ALG9: variants seen among roughly 807,000 people sequenced by gnomAD.
ALG9 encodes the protein alpha-1,2-mannosyltransferase ALG9.
In ALG9, 55 loss-of-function variants were observed where a neutral mutation model predicts 81.8. The ratio of observed to expected loss-of-function variants is 0.67; its 90% CI spans 0.54 to 0.84. The LOEUF (loss-of-function observed/expected upper bound fraction) is 0.84. Among genes scored for constraint, ALG9 ranks in the 40% least tolerant of loss-of-function variants. The probability of loss-of-function intolerance (pLI) is 0.00; values close to 1 mark genes in which losing one functional copy is unlikely to be tolerated. For missense variants in ALG9, 629 were observed against 745.0 expected, an observed-to-expected ratio of 0.84 and a Z score of 1.81; for synonymous variants, 278 against 274.3, an observed-to-expected ratio of 1.01 and a Z score of -0.13.
At chr11:111,871,238 C>T in intron 1 of ALG9, 114 bp downstream of exon 1, 1 of 1,315,342 alleles carries the variant, frequency 7.6e-7, no homozygotes, top group Non-Finnish European at 9.6e-7. Flanking sequence ...GCTCGGGCCT[C>T]CCGCGGTGAG....
intron 14 of ALG9, among the ~76,000 whole-genome samples, chr11:111,804,920 A>T (rs889444487): frequency 1.3e-5 from 2 of 152,230 alleles, no homozygotes; most frequent in Non-Finnish European, 2.9e-5. Flanking sequence ...AAAACTAAAC[A>T]GACTCTTACC....
intron 11 of ALG9, among the ~76,000 whole-genome samples, 168 bp from the exon 12 acceptor site, chr11:111,837,783 T>A (rs1363679778): frequency 6.6e-6 from 1 of 152,224 alleles, no homozygotes; most frequent in Non-Finnish European, 1.5e-5. Flanking sequence ...AATGTCTCTC[T>A]AGCTGGGAAC....
chr11:111,808,679 C>A (rs1163976554), intron 14 of ALG9, among the ~76,000 whole-genome samples: 1 of 152,198 alleles, frequency 6.6e-6, no homozygotes, highest in African/African-American at 2.4e-5. Flanking sequence ...GAGCCCCAGA[C>A]CTGACTCTCA....
chr11:111,805,310 T>C (rs1949751321), intron 14 of ALG9: 1 of 456,176 alleles, frequency 2.2e-6, no homozygotes, highest in Non-Finnish European at 4.4e-6. Context: ...CTTCCAGCCT[T>C]CAAAACTGTG....
chr11:111,806,788 T>C (rs554822596), intron 14 of ALG9, among the ~76,000 whole-genome samples: 1 of 152,316 alleles, frequency 6.6e-6, no homozygotes, highest in East Asian at 1.9e-4. Flanking sequence ...GCCTGGCAAC[T>C]GAACAGTTAA....
At chr11:111,853,357 G>T in intron 8 of ALG9, 23 bp downstream of exon 8, 1 of 1,577,494 alleles carries the variant, frequency 6.3e-7, no homozygotes, top group Non-Finnish European at 8.7e-7. Flanking sequence ...CCTAACACTT[G>T]CCCAAATTTC....
chr11:111,824,206 A>C (rs1306593610), intron 13 of ALG9, among the ~76,000 whole-genome samples: 2 of 152,232 alleles, frequency 1.3e-5, no homozygotes, highest in African/African-American at 4.8e-5. Context: ...TTAAGAATGC[A>C]TCTATGATAC....
At chr11:111,844,072 T>G (rs1956609462) in intron 9 of ALG9, among the ~76,000 whole-genome samples, 1 of 152,200 alleles carries the variant, frequency 6.6e-6, no homozygotes, top group African/African-American at 2.4e-5. Flanking sequence ...GCGCAGGGTC[T>G]TGGCTCACTA....
intron 3 of ALG9, among the ~76,000 whole-genome samples, chr11:111,865,859 ATGTGGCT>A (rs141008459): frequency 0.033 from 4,962 of 152,316 alleles, 255 homozygotes; most frequent in African/African-American, 0.11. Context: ...AAGTTCTGTT[ATGTGGCT>A]TTATTAATTT....
At chr11:111,853,344 T>A in intron 8 of ALG9, 36 bp downstream of exon 8, 2 of 1,464,102 alleles carry the variant, frequency 1.4e-6, no homozygotes, top group Non-Finnish European at 1.9e-6. Context: ...AATTAAGCTA[T>A]CTCCTAACAC....
At chr11:111,803,964 C>T (rs1183334207) in intron 14 of ALG9, among the ~76,000 whole-genome samples, 2 of 151,722 alleles carry the variant, frequency 1.3e-5, no homozygotes, top group East Asian at 3.9e-4. Flanking sequence ...GAAACCCCGT[C>T]TCTACTAAAA....
intron 13 of ALG9, among the ~76,000 whole-genome samples, chr11:111,825,281 T>G (rs1312380936): frequency 6.6e-6 from 1 of 152,222 alleles, no homozygotes; most frequent in African/African-American, 2.4e-5. Flanking sequence ...ATAATCCCTA[T>G]GCCAGGCATT....
chr11:111,821,846 G>C (rs1952449155), intron 13 of ALG9, among the ~76,000 whole-genome samples: 1 of 152,062 alleles, frequency 6.6e-6, no homozygotes, highest in African/African-American at 2.4e-5. Context: ...GTGTTAGCCA[G>C]GATGGTCTCA....
chr11:111,840,446 A>G (rs1555122577), intron 10 of ALG9, among the ~76,000 whole-genome samples: 1 of 152,218 alleles, frequency 6.6e-6, no homozygotes, highest in Admixed American at 6.5e-5. Context: ...ACACAAATTA[A>G]CACTGCAAAC....
chr11:111,849,034 A>G (rs1425112063), intron 8 of ALG9, among the ~76,000 whole-genome samples: 1 of 150,506 alleles, frequency 6.6e-6, no homozygotes, highest in Non-Finnish European at 1.5e-5. Context: ...CAATTTATTC[A>G]ATGTTTCTTT....
At chr11:111,864,265 C>A in intron 4 of ALG9, 1 of 1,128,064 alleles carries the variant, frequency 8.9e-7, no homozygotes. Context: ...TGTCTGGCTC[C>A]TCCAGCGTTG....
At chr11:111,808,865 C>T (rs1300022947) in intron 14 of ALG9, among the ~76,000 whole-genome samples, 2 of 152,202 alleles carry the variant, frequency 1.3e-5, no homozygotes, top group Admixed American at 1.3e-4. Flanking sequence ...AATGCCTGAT[C>T]CCCTCTTATC....
downstream of ALG9, among the ~76,000 whole-genome samples, chr11:111,777,650 TATA>T (rs1223152722): frequency 1.3e-5 from 2 of 150,868 alleles, no homozygotes; most frequent in Admixed American, 1.3e-4. Flanking sequence ...AGAACACAAA[TATA>T]AAAAAAAAAT....
downstream of ALG9, among the ~76,000 whole-genome samples, chr11:111,779,109 C>T (rs994904929): frequency 4.6e-5 from 7 of 152,056 alleles, no homozygotes; most frequent in African/African-American, 1.7e-4. Context: ...CCACCGCGGC[C>T]GGCCAATAGT....
Sources: allele counts gnomAD v4.1 joint callset (sites outside exome capture counted in the v4.1 genomes callset), GRCh38; gene constraint gnomAD v4.1.1; transcripts MANE v1.5; gene names NCBI Gene and HGNC (gene_info 2026-07-23, HGNC 2026-07-21).